The following EGFR variants were observed in gnomAD, a reference collection of about 807,000 sequenced individuals.
The protein encoded by EGFR is avian erythroblastic leukemia viral (v-erb-b) oncogene homolog.
EGFR carries 58 observed loss-of-function variants against 143.0 expected under a neutral mutation model. That is an observed-to-expected ratio of 0.41 (90% CI 0.33 to 0.50). The LOEUF (loss-of-function observed/expected upper bound fraction) is 0.50, where lower values mean the gene tolerates loss of function less well. Ranked by LOEUF, EGFR falls within the 20% of genes least tolerant of loss-of-function variation. The pLI is 0.39. For synonymous variants in EGFR, 613 were observed against 594.4 expected, an observed-to-expected ratio of 1.03 and a Z score of -0.45; for missense variants, 1,307 against 1,579.0, an observed-to-expected ratio of 0.83 and a Z score of 2.92.
At chr7:55,103,833 C>A (rs1045289686) in intron 1 of EGFR, among the ~76,000 whole-genome samples, 1 of 152,224 alleles carries the variant, frequency 6.6e-6, no homozygotes, top group South Asian at 2.1e-4. Context: ...ACTATTCATA[C>A]AGATTTCATC....
chr7:55,032,218 A>G (rs1476670035), intron 1 of EGFR, among the ~76,000 whole-genome samples: 3 of 152,222 alleles, frequency 2.0e-5, no homozygotes, highest in Non-Finnish European at 4.4e-5. Flanking sequence ...AACAGATGAT[A>G]ACTAATTAAT....
Position 55,209,361 on chromosome 7 carries a change from C to T in EGFR, c.*3744C>T, listed in dbSNP as rs1047908333. The T allele has an allele frequency of 3.9e-5, 6 of 152,130 alleles. No individual in the cohort carries two copies. The highest frequency in any genetic ancestry group is 1.4e-4 in the African/African-American group (6 of 41,410). The allele number at this position is 152,130 out of a possible 1,614,324, so 9.4% of individuals were successfully genotyped here. ...GATAAGCCTGAGACTTGGCTCATTT[C>T]AAAAGCGTTCAATTCATCCTCACCA... On this transcript the variant is annotated 3_prime_UTR_variant, in exon 28 of 28. Transcript: ENST00000275493.
In EGFR at chr7:55,204,544, ACACACACATACACAC is replaced by A. The variant is rs546474544; in HGVS notation, c.3272-688_3272-674del. Among the ~76,000 whole-genome samples, 516 of 146,986 alleles carry A rather than the reference ACACACACATACACAC, an allele frequency of 3.5e-3. 2 individuals are homozygous for A. Among genetic ancestry groups the A allele is most frequent in the Non-Finnish European group, 4.5e-3 (302 of 66,890 alleles). ...ACACCCCACACATACGCATATATACACACACACATACACACCACACACATACACACCACACACACA... is the reference window on the plus strand; with the variant it reads ...ACACCCCACACATACGCATATATACACACACACATACACACCACACACACA... On this transcript the variant is annotated intron_variant, in intron 27 of 27. Coordinates refer to ENST00000275493, the MANE Select transcript of EGFR (RefSeq NM_005228.5).
At chr7:55,063,064 C>T (rs1789284799) in intron 1 of EGFR, among the ~76,000 whole-genome samples, 1 of 152,166 alleles carries the variant, frequency 6.6e-6, no homozygotes, top group African/African-American at 2.4e-5. Flanking sequence ...GGGTTGTCAG[C>T]TTCCAAAGTC....
At position 55,042,893 on chromosome 7, in the gene EGFR, T is replaced by C. The variant is rs73420750; in HGVS notation, c.88+23528T>C. ...ACTTCATGAGGAGGTAGAAGCTATC[T>C]GTGAATTTCCTTTCGCTGTGTTTAC... On this transcript the variant is annotated intron_variant, in intron 1 of 27. Coordinates refer to ENST00000275493, the MANE Select transcript of EGFR (RefSeq NM_005228.5). 5.2e-3 allele frequency among the ~76,000 whole-genome samples: 789 copies of C among 152,320 alleles called. 9 individuals carry two copies. The highest frequency in any genetic ancestry group is 0.018 in the African/African-American group (761 of 41,568).
chr7:55,034,440 GC>G (rs1238248715), intron 1 of EGFR, among the ~76,000 whole-genome samples: 4 of 152,072 alleles, frequency 2.6e-5, no homozygotes, highest in African/African-American at 9.7e-5. Context: ...CACCATGTTG[GC>G]CAGGTGCCCA....
intron 27 of EGFR, chr7:55,202,833 C>T (rs918459549): frequency 1.4e-6 from 1 of 692,256 alleles, no homozygotes; most frequent in African/African-American, 1.8e-5. Flanking sequence ...TGGTTGTTTG[C>T]TGTACCTCTG....
At position 55,163,833 on chromosome 7, in the gene EGFR, C is replaced by T. The variant is rs1785829987; in HGVS notation, c.1722+10C>T. Reference sequence around the variant, plus strand: ...CACCTGCACAGGACGGGTAAGAGCCCCTTGCTGCTATCCACGTCCATTTCA... The same window carrying T: ...CACCTGCACAGGACGGGTAAGAGCCTCTTGCTGCTATCCACGTCCATTTCA... On this transcript the variant is annotated intron_variant, in intron 14 of 27. Transcript: ENST00000275493. 1 of 1,613,938 alleles carries T rather than the reference C, an allele frequency of 6.2e-7. No individual in the cohort carries two copies. Among genetic ancestry groups the T allele is most frequent in the Admixed American group, 1.7e-5 (1 of 60,004 alleles).
chr7:55,062,508 T>C (rs1193107655), intron 1 of EGFR, among the ~76,000 whole-genome samples: 2 of 152,214 alleles, frequency 1.3e-5, no homozygotes, highest in African/African-American at 2.4e-5. Flanking sequence ...TTAGTGCTTC[T>C]GTGAGCATGT....
intron 1 of EGFR, among the ~76,000 whole-genome samples, chr7:55,073,317 C>G (rs1179068970): frequency 6.6e-6 from 1 of 152,192 alleles, no homozygotes; most frequent in Admixed American, 6.5e-5. Context: ...CTTCCTCAAT[C>G]TGTAAAATAG....
intron 1 of EGFR, among the ~76,000 whole-genome samples, chr7:55,098,938 G>A (rs1791640527): frequency 1.3e-5 from 2 of 152,324 alleles, no homozygotes; most frequent in African/African-American, 4.8e-5. Flanking sequence ...AAGCAGTGGG[G>A]AGTCAGACAG....
At chr7:55,093,252 T>C (rs560983395) in intron 1 of EGFR, among the ~76,000 whole-genome samples, 44 of 152,354 alleles carry the variant, frequency 2.9e-4, no homozygotes, top group African/African-American at 1.0e-3. Context: ...CCCATGAGAA[T>C]AGATACTGCC....
chr7:55,034,118 G>C (rs1423792335), intron 1 of EGFR, among the ~76,000 whole-genome samples: 1 of 152,160 alleles, frequency 6.6e-6, no homozygotes, highest in Non-Finnish European at 1.5e-5. Context: ...TGTGAGGAGG[G>C]AGGCAAACAC....
intron 1 of EGFR, among the ~76,000 whole-genome samples, chr7:55,136,398 T>C (rs903938450): frequency 6.6e-6 from 1 of 152,194 alleles, no homozygotes; most frequent in African/African-American, 2.4e-5. Flanking sequence ...CCTCCTCCTC[T>C]ATCTCCCTCA....
At chr7:55,029,790 C>G (rs1787147444) in intron 1 of EGFR, among the ~76,000 whole-genome samples, 1 of 152,114 alleles carries the variant, frequency 6.6e-6, no homozygotes, top group African/African-American at 2.4e-5. Flanking sequence ...GTTTCACCTT[C>G]CATAAAACAG....
intron 20 of EGFR, among the ~76,000 whole-genome samples, chr7:55,185,856 T>C (rs1787112257): frequency 6.6e-6 from 1 of 152,214 alleles, no homozygotes; most frequent in African/African-American, 2.4e-5. Context: ...TTAATGCAGA[T>C]GAACATCAAA....
intron 1 of EGFR, among the ~76,000 whole-genome samples, chr7:55,046,314 T>A (rs907739265): frequency 6.6e-6 from 1 of 152,176 alleles, no homozygotes; most frequent in African/African-American, 2.4e-5. Context: ...AGAATAACCA[T>A]CTAGGGAAAT....
Position 55,146,746 on chromosome 7 carries a change from T to C in EGFR, c.559+6T>C, listed in dbSNP as rs1032993509. On this transcript the variant is annotated splice_donor_region_variant and intron_variant, in intron 4 of 27. Transcript: ENST00000275493. Reference sequence around the variant, plus strand: ...CCAGAACCACCTGGGCAGCTGTAAGTGTCGCATACACACTATCTCTGCCTC... The same window carrying C: ...CCAGAACCACCTGGGCAGCTGTAAGCGTCGCATACACACTATCTCTGCCTC... 1.2e-6 allele frequency: 2 copies of C among 1,614,042 alleles called. No individual in the cohort carries two copies. Among genetic ancestry groups the C allele is most frequent in the Non-Finnish European group, 1.7e-6 (2 of 1,180,026 alleles).
intron 1 of EGFR, among the ~76,000 whole-genome samples, chr7:55,098,751 T>C (rs1013794747): frequency 4.6e-5 from 7 of 152,214 alleles, no homozygotes; most frequent in Non-Finnish European, 7.3e-5. Flanking sequence ...CAGGCAAACC[T>C]GGCCCTCCAC....
Sources: allele counts gnomAD v4.1 joint callset (sites outside exome capture counted in the v4.1 genomes callset), GRCh38; gene constraint gnomAD v4.1.1; transcripts MANE v1.5; gene names NCBI Gene and HGNC (gene_info 2026-07-23, HGNC 2026-07-21).